Variants in YIPF6 observed in about 807,000 individuals in gnomAD.
YIPF6 encodes the protein Yip1 domain family member 6.
A neutral mutation model predicts 16.8 loss-of-function variants in YIPF6; 3 were observed. That is an observed-to-expected ratio of 0.18 (90% CI 0.08 to 0.46). The LOEUF (loss-of-function observed/expected upper bound fraction) is 0.46. Ranked by LOEUF, YIPF6 falls within the 20% of genes least tolerant of loss-of-function variation. The probability of loss-of-function intolerance (pLI) is 0.98; values close to 1 mark genes in which losing one functional copy is unlikely to be tolerated. For synonymous variants in YIPF6, 67 were observed against 61.9 expected (o/e 1.08, Z -0.38); for missense variants, 145 against 184.9 (o/e 0.78, Z 1.25).
intron 1 of YIPF6, among the ~76,000 whole-genome samples, chrX:68,501,490 T>G (rs747220894): frequency 8.9e-6 from 1 of 112,011 alleles, no homozygotes; most frequent in Non-Finnish European, 1.9e-5. Context: ...ACATTTTATG[T>G]GCAGATGAGG....
At chrX:68,517,280 T>A (rs1271596125) in intron 3 of YIPF6, among the ~76,000 whole-genome samples, 2 of 111,853 alleles carry the variant, frequency 1.8e-5, no homozygotes, top group East Asian at 5.7e-4. Flanking sequence ...CCCAAGTAGC[T>A]GGGATTACAG....
In YIPF6 at chrX:68,511,973, C is replaced by A. The variant is rs1865733546; in HGVS notation, c.182C>A (p.Thr61Asn). ...SSTLNESVRN[T>N]IMRDLKAVGK... ...ACATTAAATGAATCTGTTCGCAATA[C>A]CATCGTAAGTTAGACTAGTTGAGAG... Residue 61 changes from threonine to asparagine, a missense_variant, in exon 2 of 7, where the codon ACC becomes AAC. Physicochemically the swap from Thr to Asn is moderately conservative, Grantham distance 65 (BLOSUM62 0). Coordinates refer to ENST00000462683, the MANE Select transcript of YIPF6 (RefSeq NM_173834.4). The A allele has an allele frequency of 8.3e-7, 1 of 1,205,808 alleles. No individual in the cohort carries two copies. The highest frequency in any genetic ancestry group is 1.1e-6 in the Non-Finnish European group (1 of 893,356).
At chrX:68,520,824 C>G (rs1277570589) in intron 4 of YIPF6, among the ~76,000 whole-genome samples, 1 of 111,219 alleles carries the variant, frequency 9.0e-6, no homozygotes, top group Non-Finnish European at 1.9e-5. Flanking sequence ...ACTACAAATT[C>G]TGATGTGTCT....
chrX:68,527,867 TA>T (rs2079155319), intron 6 of YIPF6, among the ~76,000 whole-genome samples: 1 of 111,895 alleles, frequency 8.9e-6, no homozygotes, highest in African/African-American at 3.2e-5. Context: ...ATTCTGTTGT[TA>T]TGATTTCCAT....
intron 2 of YIPF6, 152 bp downstream of exon 2, chrX:68,512,129 C>G (rs763804889): frequency 4.1e-5 from 27 of 660,609 alleles, no homozygotes; most frequent in East Asian, 2.8e-4. Flanking sequence ...TTTGGTACAG[C>G]CTTTTTGGAG....
At chrX:68,515,782 C>T (rs186608602) in intron 3 of YIPF6, among the ~76,000 whole-genome samples, 3 of 111,051 alleles carry the variant, frequency 2.7e-5, no homozygotes, top group African/African-American at 9.8e-5. Flanking sequence ...CATTCTCCCA[C>T]CTCAGGCTCC....
Position 68,511,884 on chromosome X carries a change from C to T in YIPF6, c.93C>T (p.Asp31=), listed in dbSNP as rs1207276361. 5.0e-6 allele frequency: 6 copies of T among 1,209,413 alleles called. No homozygotes were observed. In the South Asian group the frequency reaches 1.1e-4, roughly 21 times the overall value. The change falls in exon 2 of 7, where the codon GAC becomes GAT. Residue 31 remains aspartate, a synonymous_variant. Transcript: ENST00000462683. ...AGLSDISISQ[D]IPVEGEITIP... is the part of the protein sequence containing the mutation. ...TTTCAGATATATCCATCTCACAAGA[C>T]ATCCCCGTAGAAGGAGAAATCACCA...
chrX:68,508,888 C>T (rs903948386), intron 1 of YIPF6, among the ~76,000 whole-genome samples: 34 of 111,188 alleles, frequency 3.1e-4, no homozygotes, highest in Admixed American at 3.8e-4. Context: ...TGATATTGAA[C>T]GCTGGACATC....
In YIPF6 at chrX:68,532,301, C is replaced by T. The variant is rs1053988299; in HGVS notation, c.*302C>T. 4.1e-5 allele frequency: 7 copies of T among 172,061 alleles called. No individual in the cohort carries two copies. The highest frequency in any genetic ancestry group is 2.1e-4 in the African/African-American group (7 of 32,986). 14.2% of individuals were successfully genotyped at this position (172,061 alleles called of 1,213,427 possible). On this transcript the variant is annotated 3_prime_UTR_variant, in exon 7 of 7. Coordinates refer to ENST00000462683, the MANE Select transcript of YIPF6 (RefSeq NM_173834.4). ...TCACCGTGGTCCATTTGGGTGACAACCAGTGACTTGGGAAGCACATAGATA... is the reference window on the plus strand; with the variant it reads ...TCACCGTGGTCCATTTGGGTGACAATCAGTGACTTGGGAAGCACATAGATA...
In YIPF6 at chrX:68,499,072, G is replaced by A; in HGVS notation, c.6G>A (p.Ala2=). The A allele has an allele frequency of 8.4e-7, 1 of 1,187,649 alleles. No individual in the cohort carries two copies. The highest frequency in any genetic ancestry group is 1.1e-6 in the Non-Finnish European group (1 of 883,119). Residue 2 remains alanine (A), a synonymous_variant, in exon 1 of 7, where the codon GCG becomes GCA. Coordinates refer to ENST00000462683, the MANE Select transcript of YIPF6 (RefSeq NM_173834.4). M[A]EAEESPGDPG... is the part of the protein sequence containing the mutation. The stretch of plus-strand genomic sequence containing the variant: ...CCGGGAGAAGGAGGGCCAAGATGGC[G>A]GAAGCGGAGGAGTCTCCAGGAGACC...
chrX:68,514,242 ATATAT>A (rs1569325183), intron 3 of YIPF6: 3 of 97,446 alleles, frequency 3.1e-5, no homozygotes, highest in Non-Finnish European at 4.0e-5. Flanking sequence ...AAAAAAAAAT[ATATAT>A]ATATATATAT....
At chrX:68,520,914 T>C (rs1450820285) in intron 4 of YIPF6, among the ~76,000 whole-genome samples, 1 of 111,806 alleles carries the variant, frequency 8.9e-6, no homozygotes, top group Non-Finnish European at 1.9e-5. Flanking sequence ...CAGTTACACT[T>C]GATTGTTGCA....
chrX:68,527,807 C>G (rs1029769041), intron 6 of YIPF6, among the ~76,000 whole-genome samples: 1 of 111,926 alleles, frequency 8.9e-6, no homozygotes, highest in African/African-American at 3.2e-5. Flanking sequence ...ATCCTGAGTT[C>G]TAATTTGATT....
intron 5 of YIPF6, among the ~76,000 whole-genome samples, chrX:68,522,303 A>ATT (rs779420657): frequency 0.037 from 3,789 of 101,839 alleles, 236 homozygotes; most frequent in African/African-American, 0.13. Context: ...CATGTACTTA[A>ATT]TTTTTTTTTT....
Position 68,522,875 on chromosome X carries a change from C to A in YIPF6, c.550C>A (p.Arg184=). ...ADPGPVNFMV[R]LFVVIVMFAW... is the part of the protein sequence containing the mutation. ...TCCAGGACCTGTAAACTTCATGGTT[C>A]GGCTTTTTGTGGTGATTGTGATGTT... Residue 184 remains arginine (R), a synonymous_variant, in exon 6 of 7, where the codon CGG becomes AGG. Transcript: ENST00000462683. The A allele has an allele frequency of 8.3e-7, 1 of 1,210,369 alleles. No individual in the cohort carries two copies. Among genetic ancestry groups the A allele is most frequent in the East Asian group, 3.0e-5 (1 of 33,780 alleles).
intron 1 of YIPF6, among the ~76,000 whole-genome samples, chrX:68,505,594 C>G (rs2079056848): frequency 8.9e-6 from 1 of 111,894 alleles, no homozygotes; most frequent in African/African-American, 3.2e-5. Context: ...AAAGTTTGAT[C>G]AAGCAAGAGA....
rs780169456 is a variant in YIPF6 at position 68,504,433 on chromosome X, G to A, written c.57+5310G>A. On this transcript the variant is annotated intron_variant, in intron 1 of 6. Transcript: ENST00000462683. ...TAGTCATATGTGCGGTGTTTCTGAC[G>A]TGGTTAGCCCCCATCCTGAGTCATC... Among the ~76,000 whole-genome samples the A allele has an allele frequency of 3.6e-5, 4 of 111,339 alleles. No individual in the cohort carries two copies. The South Asian group carries it at 1.5e-3, about 42-fold the overall frequency.
At chrX:68,512,584 A>G (rs2147820379) in intron 2 of YIPF6, among the ~76,000 whole-genome samples, 1 of 112,538 alleles carries the variant, frequency 8.9e-6, no homozygotes, top group South Asian at 3.6e-4. Context: ...ATCAATATAC[A>G]AAGATGTTTA....
rs2079114385 is a variant in YIPF6, at chrX:68,518,819, A to C, written c.308+7A>C. On this transcript the variant is annotated splice_region_variant and intron_variant, in intron 4 of 6. Transcript: ENST00000462683. ...TTTGTGTGACACTCGCATTGTAAGT[A>C]CTTGCATTTTCTTTCTTTGTCATTT... The C allele has an allele frequency of 1.7e-6, 2 of 1,170,043 alleles. No individual in the cohort carries two copies. The highest frequency in any genetic ancestry group is 1.1e-6 in the Non-Finnish European group (1 of 879,791).
Sources: allele counts gnomAD v4.1 joint callset (sites outside exome capture counted in the v4.1 genomes callset), GRCh38; gene constraint gnomAD v4.1.1; transcripts MANE v1.5; gene names NCBI Gene and HGNC (gene_info 2026-07-23, HGNC 2026-07-21).